Variants in TMEM74 observed in about 807,000 individuals in gnomAD.
TMEM74 encodes the protein transmembrane protein 74.
Under a neutral mutation model 18.1 loss-of-function variants are expected in TMEM74, and 13 were observed. The observed-to-expected ratio is 0.72, with a 90% CI of 0.47 to 1.14. The LOEUF is 1.14. Among genes scored for constraint, TMEM74 ranks in the 50% most tolerant of loss-of-function variants. The probability of loss-of-function intolerance (pLI) is 0.00; values close to 1 mark genes in which losing one functional copy is unlikely to be tolerated. For missense variants in TMEM74, 372 were observed against 375.9 expected (o/e 0.99, Z 0.09); for synonymous variants, 159 against 146.6 (o/e 1.08, Z -0.61).
At chr8:108,742,235 C>T (rs950694006) in intron 1 of TMEM74, among the ~76,000 whole-genome samples, 7 of 152,070 alleles carry the variant, frequency 4.6e-5, no homozygotes, top group Non-Finnish European at 7.4e-5. Flanking sequence ...GTACAACGAA[C>T]GCCTGTGACA....
chr8:108,696,612 A>G (rs749553668), intron 1 of TMEM74, among the ~76,000 whole-genome samples: 10 of 152,250 alleles, frequency 6.6e-5, no homozygotes, highest in Non-Finnish European at 1.3e-4. Flanking sequence ...TCTGAAAGAC[A>G]TACTGTAGTA....
chr8:108,612,408 A>G (rs1206139969), intron 2 of TMEM74, among the ~76,000 whole-genome samples: 1 of 152,208 alleles, frequency 6.6e-6, no homozygotes, highest in African/African-American at 2.4e-5. Context: ...TTGATAACCA[A>G]ATATTAAAGG....
intron 1 of TMEM74, among the ~76,000 whole-genome samples, chr8:108,709,272 C>T (rs1208454067): frequency 1.3e-5 from 2 of 152,128 alleles, no homozygotes; most frequent in Non-Finnish European, 2.9e-5. Context: ...GATATGGAAA[C>T]AATCTAAGTC....
At chr8:108,758,237 CA>C (rs1233584380) in intron 1 of TMEM74, among the ~76,000 whole-genome samples, 1 of 151,634 alleles carries the variant, frequency 6.6e-6, no homozygotes, top group Non-Finnish European at 1.5e-5. Context: ...AAATATAAAG[CA>C]GAAACAAAGG....
chr8:108,615,479 T>G (rs971846441), intron 2 of TMEM74, among the ~76,000 whole-genome samples: 4 of 152,180 alleles, frequency 2.6e-5, no homozygotes, highest in African/African-American at 9.7e-5. Flanking sequence ...TTTCAGCCAC[T>G]TCTCTATTGA....
At chr8:108,760,567 G>A (rs1368367836) in intron 1 of TMEM74, among the ~76,000 whole-genome samples, 9 of 152,012 alleles carry the variant, frequency 5.9e-5, no homozygotes, top group African/African-American at 2.2e-4. Flanking sequence ...CATTAACTCA[G>A]CTTTACTTGG....
intron 1 of TMEM74, among the ~76,000 whole-genome samples, chr8:108,721,582 A>G (rs920415294): frequency 2.6e-5 from 4 of 152,248 alleles, no homozygotes; most frequent in Non-Finnish European, 5.9e-5. Flanking sequence ...AGTCTCAACT[A>G]ACCATCCTCA....
intron 2 of TMEM74, among the ~76,000 whole-genome samples, chr8:108,651,389 A>G (rs1003280208): frequency 7.9e-5 from 12 of 152,146 alleles, no homozygotes; most frequent in African/African-American, 2.4e-4. Context: ...TCATCTGAAT[A>G]TAGTCTTTAG....
At chr8:108,770,770 C>T (rs1017988833) in intron 1 of TMEM74, among the ~76,000 whole-genome samples, 25 of 152,082 alleles carry the variant, frequency 1.6e-4, no homozygotes, top group African/African-American at 4.8e-5. Context: ...TTTTGTGGCT[C>T]CTTTAAAAGA....
chr8:108,762,642 C>A (rs1814058557), intron 1 of TMEM74, among the ~76,000 whole-genome samples: 1 of 152,132 alleles, frequency 6.6e-6, no homozygotes. Context: ...ATGATACATT[C>A]TCATATCTCC....
intron 2 of TMEM74, among the ~76,000 whole-genome samples, chr8:108,619,955 C>A (rs1830274328): frequency 6.6e-6 from 1 of 152,132 alleles, no homozygotes. Flanking sequence ...GCTACTGCTG[C>A]CTCTTCTTTT....
At chr8:108,630,710 A>T (rs568598607) in intron 2 of TMEM74, among the ~76,000 whole-genome samples, 1 of 152,202 alleles carries the variant, frequency 6.6e-6, no homozygotes, top group African/African-American at 2.4e-5. Context: ...GTGGGTATTT[A>T]CTAATAGTGA....
intron 2 of TMEM74, among the ~76,000 whole-genome samples, chr8:108,611,185 G>A (rs1812330346): frequency 6.6e-6 from 1 of 152,122 alleles, no homozygotes; most frequent in Non-Finnish European, 1.5e-5. Flanking sequence ...TGAGAATTTG[G>A]TCATGTTAGA....
At chr8:108,730,366 G>C (rs1813681020) in intron 1 of TMEM74, among the ~76,000 whole-genome samples, 1 of 152,114 alleles carries the variant, frequency 6.6e-6, no homozygotes, top group Non-Finnish European at 1.5e-5. Flanking sequence ...CATTTAAACA[G>C]TAGCAATTTG....
chr8:108,717,453 C>T (rs1371324834), intron 1 of TMEM74, among the ~76,000 whole-genome samples: 1 of 151,840 alleles, frequency 6.6e-6, no homozygotes, highest in African/African-American at 2.4e-5. Flanking sequence ...CAGCAGAGAC[C>T]AAAAGGACAA....
chr8:108,680,874 A>T (rs1467632102), intron 1 of TMEM74, among the ~76,000 whole-genome samples: 4 of 152,206 alleles, frequency 2.6e-5, no homozygotes, highest in Non-Finnish European at 5.9e-5. Context: ...CACCAATAAC[A>T]GACAAACAGA....
intron 1 of TMEM74, among the ~76,000 whole-genome samples, chr8:108,767,481 A>G (rs1251259123): frequency 6.6e-6 from 1 of 152,208 alleles, no homozygotes; most frequent in East Asian, 1.9e-4. Context: ...GGAAGGATCC[A>G]TTTTGAGAAC....
intron 1 of TMEM74, among the ~76,000 whole-genome samples, chr8:108,717,430 G>C (rs2130628027): frequency 6.6e-6 from 1 of 152,170 alleles, no homozygotes; most frequent in East Asian, 1.9e-4. Context: ...TTCCTTTCTT[G>C]GTACTGGGGA....
At chr8:108,708,965 A>T (rs1267195337) in intron 1 of TMEM74, among the ~76,000 whole-genome samples, 1 of 152,186 alleles carries the variant, frequency 6.6e-6, no homozygotes. Context: ...AATGCAAATC[A>T]AAACTACAAT....
Sources: allele counts gnomAD v4.1 joint callset (sites outside exome capture counted in the v4.1 genomes callset), GRCh38; gene constraint gnomAD v4.1.1; transcripts MANE v1.5; gene names NCBI Gene and HGNC (gene_info 2026-07-23, HGNC 2026-07-21).